The following CCDC18 variants were observed in gnomAD, a reference collection of about 807,000 sequenced individuals.
CCDC18 encodes coiled-coil domain-containing protein 18.
A neutral mutation model predicts 196.0 loss-of-function variants in CCDC18; 157 were observed. The ratio of observed to expected loss-of-function variants is 0.80; its 90% CI spans 0.70 to 0.91. The LOEUF is 0.91. Among genes scored for constraint, CCDC18 ranks in the 40% least tolerant of loss-of-function variants. The pLI, the probability that CCDC18 is intolerant of heterozygous loss-of-function variation, is 0.00. For missense variants in CCDC18, 1,465 were observed against 1,611.6 expected, an observed-to-expected ratio of 0.91 and a Z score of 1.56; for synonymous variants, 482 against 529.2, an observed-to-expected ratio of 0.91 and a Z score of 1.22.
At position 93,275,399 on chromosome 1, in the gene CCDC18, G is replaced by A. The variant is rs117201686; in HGVS notation, c.4354-3064G>A. ...GCTGAGATGACAGGCGTGAGCCACCGCACCTGGCCTGAAAGAGACATTTTA... is the reference window on the plus strand; with the variant it reads ...GCTGAGATGACAGGCGTGAGCCACCACACCTGGCCTGAAAGAGACATTTTA... On this transcript the variant is annotated intron_variant, in intron 28 of 28. Transcript: ENST00000690025. Among the ~76,000 whole-genome samples, 254 of 152,218 alleles carry A rather than the reference G, an allele frequency of 1.7e-3. 5 individuals carry two copies. In the East Asian group the frequency reaches 0.033, roughly 20 times the overall value.
intron 9 of CCDC18, among the ~76,000 whole-genome samples, chr1:93,210,060 A>G (rs538971132): frequency 3.1e-4 from 47 of 152,296 alleles, no homozygotes; most frequent in African/African-American, 1.1e-3. Flanking sequence ...CTGTCTCTCA[A>G]AAAAGAATCA....
At chr1:93,218,178 C>A (rs1170495285) in intron 14 of CCDC18, among the ~76,000 whole-genome samples, 4 of 152,100 alleles carry the variant, frequency 2.6e-5, no homozygotes, top group Admixed American at 2.0e-4. Context: ...GAGAAGCACT[C>A]TTGACCTTGG....
chr1:93,254,325 G>T, intron 23 of CCDC18, 146 bp from the exon 24 acceptor site: 1 of 567,416 alleles, frequency 1.8e-6, no homozygotes. Flanking sequence ...GAATTTTTGT[G>T]CTTATTTCCA....
chr1:93,251,419 TTTTTC>T (rs1376065803), intron 23 of CCDC18, among the ~76,000 whole-genome samples: 3 of 152,136 alleles, frequency 2.0e-5, no homozygotes, highest in African/African-American at 7.2e-5. Flanking sequence ...TTAGTGGCGG[TTTTTC>T]TTTTAAGTTT....
intron 24 of CCDC18, 26 bp downstream of exon 24, chr1:93,254,640 A>AAC: frequency 6.3e-7 from 1 of 1,593,270 alleles, no homozygotes; most frequent in Non-Finnish European, 8.6e-7. Context: ...CCACCTAAGG[A>AAC]ACAAGTGGTA....
At chr1:93,241,090 G>T (rs535781719) in intron 21 of CCDC18, among the ~76,000 whole-genome samples, 1 of 152,104 alleles carries the variant, frequency 6.6e-6, no homozygotes, top group South Asian at 2.1e-4. Flanking sequence ...AAGTAACTGG[G>T]ATTACAGGCA....
At chr1:93,191,851 G>A (rs1651864589) in intron 4 of CCDC18, 149 bp from the exon 5 acceptor site, 1 of 573,424 alleles carries the variant, frequency 1.7e-6, no homozygotes. Context: ...CCATGTAAAT[G>A]TTGATCAAAG....
chr1:93,246,058 T>C (rs778161575), intron 21 of CCDC18, 47 bp from the exon 22 acceptor site: 1 of 1,315,770 alleles, frequency 7.6e-7, no homozygotes, highest in Non-Finnish European at 1.0e-6. Context: ...TTTAAAATTA[T>C]ACTCTTCTAC....
chr1:93,241,723 C>CAAAAAAAAAAAAAAAAAAAAA (rs35810581), intron 21 of CCDC18, among the ~76,000 whole-genome samples: 1 of 59,956 alleles, frequency 1.7e-5, no homozygotes, highest in Non-Finnish European at 3.1e-5. Context: ...GACTCCATCT[C>CAAAAAAAAAAAAAAAAAAAAA]AAAAAAAAAA....
At chr1:93,239,509 T>A (rs758201540) in intron 20 of CCDC18, 36 bp downstream of exon 20, 23 of 1,566,760 alleles carry the variant, frequency 1.5e-5, no homozygotes, top group South Asian at 6.0e-5. Context: ...GCTGCCTATG[T>A]ATTTGTACTT....
chr1:93,204,239 C>CT lies in CCDC18; in HGVS notation c.796-1263dup, dbSNP rs377560819. On this transcript the variant is annotated intron_variant, in intron 7 of 28. Coordinates refer to ENST00000690025, the MANE Select transcript of CCDC18 (RefSeq NM_001378204.1). Reference sequence around the variant, plus strand: ...ATAGTCCAAGAGCAGAAGTGAGATTCTTTTTTTTAATGAAATAGGACATTT... The same window carrying CT: ...ATAGTCCAAGAGCAGAAGTGAGATTCTTTTTTTTTAATGAAATAGGACATTT... Among the ~76,000 whole-genome samples, 6 of 151,378 alleles carry CT rather than the reference C, an allele frequency of 4.0e-5. No individual in the cohort carries two copies. In the East Asian group the frequency reaches 9.7e-4, roughly 24 times the overall value.
At chr1:93,273,413 T>G (rs932998232) in intron 28 of CCDC18, 1 of 152,168 alleles carries the variant, frequency 6.6e-6, no homozygotes, top group Non-Finnish European at 1.5e-5. Flanking sequence ...GGTTTTTAGT[T>G]AAGGCACAGT....
intron 17 of CCDC18, among the ~76,000 whole-genome samples, chr1:93,231,523 G>A (rs563499017): frequency 6.6e-6 from 1 of 152,156 alleles, no homozygotes; most frequent in East Asian, 1.9e-4. Context: ...TTTGGTAGGA[G>A]ATGAAGAATA....
intron 4 of CCDC18, among the ~76,000 whole-genome samples, chr1:93,188,365 G>T (rs1289248415): frequency 1.3e-5 from 2 of 152,178 alleles, no homozygotes; most frequent in Non-Finnish European, 2.9e-5. Context: ...GCTACCCTGG[G>T]ACTTCTCTTT....
In CCDC18 at chr1:93,278,468, A is replaced by G. The variant is rs773429995; in HGVS notation, c.4359A>G (p.Glu1453=). 4 of 1,270,072 alleles carry G rather than the reference A, an allele frequency of 3.1e-6. No individual in the cohort carries two copies. Among genetic ancestry groups the G allele is most frequent in the Non-Finnish European group, 4.3e-6 (4 of 934,306 alleles). The allele number at this position is 1,270,072 out of a possible 1,614,324, so 78.7% of individuals were successfully genotyped here. A position where few individuals can be genotyped will look rare whatever the true frequency, so the allele number is the denominator to read the frequency against. Residue 1453 remains glutamate (E), a synonymous_variant, in exon 29 of 29, where the codon GAA becomes GAG. Coordinates refer to ENST00000690025, the MANE Select transcript of CCDC18 (RefSeq NM_001378204.1). ...ATTATTTTGCATTATTCTAGGGAGA[A>G]AATGTGTAATTCAAAGAAGATACTG... ...MQTGAGLNQG[E]NV
At chr1:93,221,770 T>A (rs1657464759) in intron 15 of CCDC18, 27 bp downstream of exon 15, 1 of 1,595,412 alleles carries the variant, frequency 6.3e-7, no homozygotes, top group Non-Finnish European at 8.5e-7. Flanking sequence ...AAAAGTGCTA[T>A]TTAGAAGTTG....
chr1:93,192,885 A>G lies in CCDC18; in HGVS notation c.570-731A>G, dbSNP rs1016195456. 2.0e-5 allele frequency among the ~76,000 whole-genome samples: 3 copies of G among 152,202 alleles called. No homozygotes were observed. In the East Asian group the frequency reaches 5.8e-4, roughly 29 times the overall value. ...CACCTGGGAACTTGTTAGAAATGCAAATTCTCAGGTCTTATCTCTGGCATA... is the reference window on the plus strand; with the variant it reads ...CACCTGGGAACTTGTTAGAAATGCAGATTCTCAGGTCTTATCTCTGGCATA... On this transcript the variant is annotated intron_variant, in intron 5 of 28. Coordinates refer to ENST00000690025, the MANE Select transcript of CCDC18 (RefSeq NM_001378204.1).
At chr1:93,215,423 G>A (rs1656317738) in intron 12 of CCDC18, among the ~76,000 whole-genome samples, 1 of 151,260 alleles carries the variant, frequency 6.6e-6, no homozygotes, top group Non-Finnish European at 1.5e-5. Context: ...AGTATATATG[G>A]GCACAAGAGT....
intron 6 of CCDC18, among the ~76,000 whole-genome samples, chr1:93,199,181 T>G (rs555329195): frequency 6.6e-6 from 1 of 152,336 alleles, no homozygotes; most frequent in East Asian, 1.9e-4. Flanking sequence ...TTCTGCCCAC[T>G]CAGCCTGGCA....
Sources: gnomAD v4.1 joint callset for allele counts (sites outside exome capture counted in the v4.1 genomes callset) on GRCh38, gnomAD v4.1.1 for gene constraint, MANE v1.5 for transcripts, NCBI Gene and HGNC (gene_info 2026-07-23, HGNC 2026-07-21) for gene names.